Variants in PPM1E observed in about 807,000 individuals in gnomAD.
PPM1E encodes protein phosphatase, Mg2+/Mn2+ dependent 1E.
Under a neutral mutation model 65.9 loss-of-function variants are expected in PPM1E, and 20 were observed. The observed-to-expected ratio is 0.30, with a 90% CI of 0.21 to 0.44. The LOEUF (loss-of-function observed/expected upper bound fraction) is 0.44. Ranked by LOEUF, PPM1E falls within the 20% of genes least tolerant of loss-of-function variation. The pLI, the probability that PPM1E is intolerant of heterozygous loss-of-function variation, is 1.00. For synonymous variants in PPM1E, 352 were observed against 374.9 expected, an observed-to-expected ratio of 0.94 and a Z score of 0.70; for missense variants, 713 against 953.1, an observed-to-expected ratio of 0.75 and a Z score of 3.32.
At chr17:58,760,502 G>A (rs1319997514) in intron 1 of PPM1E, among the ~76,000 whole-genome samples, 1 of 151,944 alleles carries the variant, frequency 6.6e-6, no homozygotes, top group Admixed American at 6.6e-5. Flanking sequence ...TCTTAAATAT[G>A]TCTTTCTTCA....
chr17:58,882,660 G>T (rs1376203198), intron 1 of PPM1E, among the ~76,000 whole-genome samples: 5 of 151,910 alleles, frequency 3.3e-5, no homozygotes, highest in Non-Finnish European at 7.4e-5. Context: ...CAAAGTGCTG[G>T]GATTACAGGT....
At chr17:58,780,489 C>G (rs1371645748) in intron 1 of PPM1E, among the ~76,000 whole-genome samples, 4 of 152,166 alleles carry the variant, frequency 2.6e-5, no homozygotes, top group Non-Finnish European at 5.9e-5. Context: ...AAGAAAGATA[C>G]ATTTGATTTG....
chr17:58,862,333 A>G (rs35082135), intron 1 of PPM1E, among the ~76,000 whole-genome samples: 45,274 of 152,104 alleles, frequency 0.3, 7,208 homozygotes, highest in Middle Eastern at 0.48. Context: ...AGCAATATGC[A>G]TAATGGAAAT....
intron 1 of PPM1E, among the ~76,000 whole-genome samples, chr17:58,758,131 G>A (rs1331964907): frequency 1.3e-5 from 2 of 151,794 alleles, no homozygotes; most frequent in Non-Finnish European, 2.9e-5. Context: ...TTTAGAAAGT[G>A]TCCAAATAAG....
intron 1 of PPM1E, among the ~76,000 whole-genome samples, chr17:58,826,262 A>G (rs1016514323): frequency 6.7e-6 from 1 of 148,632 alleles, no homozygotes; most frequent in Non-Finnish European, 1.5e-5. Context: ...GCTCCACTGC[A>G]CTCCAGCCTG....
chr17:58,911,695 A>G (rs1251555828), intron 1 of PPM1E, among the ~76,000 whole-genome samples: 3 of 152,208 alleles, frequency 2.0e-5, no homozygotes, highest in African/African-American at 7.2e-5. Flanking sequence ...CATTCAACAA[A>G]TACTTATTGA....
At chr17:58,877,679 T>A (rs560284464) in intron 1 of PPM1E, among the ~76,000 whole-genome samples, 1 of 152,316 alleles carries the variant, frequency 6.6e-6, no homozygotes, top group South Asian at 2.1e-4. Flanking sequence ...TGCTGGCAAT[T>A]TAAGGAAAGC....
intron 1 of PPM1E, among the ~76,000 whole-genome samples, chr17:58,887,325 CA>C (rs1045107341): frequency 2.2e-4 from 33 of 151,930 alleles, no homozygotes; most frequent in African/African-American, 7.7e-4. Flanking sequence ...CCACCATGCC[CA>C]GCTAATTTTT....
intron 1 of PPM1E, among the ~76,000 whole-genome samples, chr17:58,806,077 G>T (rs888232438): frequency 6.7e-6 from 1 of 149,700 alleles, no homozygotes; most frequent in African/African-American, 2.5e-5. Context: ...GTCCTGTCTC[G>T]TGGCACTTAA....
chr17:58,841,239 G>A (rs1170761453), intron 1 of PPM1E, among the ~76,000 whole-genome samples: 4 of 152,124 alleles, frequency 2.6e-5, no homozygotes, highest in Admixed American at 2.6e-4. Flanking sequence ...TCATCCTGAG[G>A]ATGGGAGGTT....
At chr17:58,930,392 A>T (rs1355256510) in intron 1 of PPM1E, among the ~76,000 whole-genome samples, 8 of 152,078 alleles carry the variant, frequency 5.3e-5, no homozygotes, top group African/African-American at 1.9e-4. Context: ...TGAGCCCAGG[A>T]GGTCAAGTCT....
chr17:58,764,951 T>G (rs1352237129), intron 1 of PPM1E, among the ~76,000 whole-genome samples: 2 of 151,868 alleles, frequency 1.3e-5, no homozygotes, highest in Non-Finnish European at 2.9e-5. Context: ...ATCTTTCTCT[T>G]TATTATTATT....
At chr17:58,877,753 A>T (rs2051143935) in intron 1 of PPM1E, among the ~76,000 whole-genome samples, 1 of 152,232 alleles carries the variant, frequency 6.6e-6, no homozygotes, top group African/African-American at 2.4e-5. Context: ...TTATGGATAC[A>T]TTAAAATTGG....
intron 1 of PPM1E, among the ~76,000 whole-genome samples, chr17:58,801,459 T>C (rs867086336): frequency 6.7e-5 from 8 of 118,638 alleles, no homozygotes; most frequent in South Asian, 2.7e-4. Flanking sequence ...TTTTTTTTTT[T>C]GAGGTGGAGT....
rs2031454062 is a variant in PPM1E, at chr17:58,982,992, A to G, written c.*1961A>G. On this transcript the variant is annotated 3_prime_UTR_variant, in exon 7 of 7. Coordinates refer to ENST00000308249, the MANE Select transcript of PPM1E (RefSeq NM_014906.5). Reference sequence around the variant, plus strand: ...ATAGTCCAAAGTGCTTAGCGAAGTAAAAAAAAAAGCTTTTTAAAATTTCTA... The same window carrying G: ...ATAGTCCAAAGTGCTTAGCGAAGTAGAAAAAAAAGCTTTTTAAAATTTCTA... The G allele has an allele frequency of 6.5e-6, 9 of 1,375,448 alleles. No homozygotes were observed. In the Admixed American group the frequency reaches 2.0e-4, roughly 31 times the overall value. The allele number at this position is 1,375,448 out of a possible 1,614,324, so 85.2% of individuals were successfully genotyped here. A position where few individuals can be genotyped will look rare whatever the true frequency, so the allele number is the denominator to read the frequency against.
chr17:58,784,226 T>A (rs980228354), intron 1 of PPM1E, among the ~76,000 whole-genome samples: 2 of 148,572 alleles, frequency 1.3e-5, no homozygotes, highest in African/African-American at 2.5e-5. Flanking sequence ...TTTCACCATG[T>A]TGGCCAGGCT....
In PPM1E at chr17:58,756,241, G is replaced by A; in HGVS notation, c.244G>A (p.Glu82Lys). Reference protein sequence around the residue: ...TVAATEEGDQEQDPEPEEEAA... With the variant: ...TVAATEEGDQKQDPEPEEEAA... ...AGCCGCGACGGAGGAGGGGGACCAG[G>A]AGCAAGACCCGGAGCCCGAGGAGGA... Residue 82 changes from glutamate to lysine, a missense_variant, in exon 1 of 7, where the codon GAG becomes AAG. Physicochemically the swap from Glu to Lys is moderately conservative, Grantham distance 56. Around this residue, in one of 6 missense-constraint regions of PPM1E, gnomAD observed 212 missense variants for 204.0 expected, o/e 1.04. Transcript: ENST00000308249. 6.4e-7 allele frequency: 1 copy of A among 1,552,266 alleles called. No homozygotes were observed. Among genetic ancestry groups the A allele is most frequent in the Middle Eastern group, 1.7e-4 (1 of 5,834 alleles).
intron 2 of PPM1E, among the ~76,000 whole-genome samples, chr17:58,958,575 TA>T (rs1005588709): frequency 1.3e-5 from 2 of 151,518 alleles, no homozygotes; most frequent in Admixed American, 6.6e-5. Context: ...TTAAAAATAA[TA>T]AAAAGTTTTT....
chr17:58,911,843 CT>C (rs898825131), intron 1 of PPM1E, among the ~76,000 whole-genome samples: 23 of 152,102 alleles, frequency 1.5e-4, no homozygotes, highest in Non-Finnish European at 2.9e-4. Context: ...TAAGAAGGTA[CT>C]TTTTTTAAGA....
Sources: allele counts gnomAD v4.1 joint callset (sites outside exome capture counted in the v4.1 genomes callset), GRCh38; gene constraint gnomAD v4.1.1; regional missense constraint gnomAD v4.1.1; transcripts MANE v1.5; gene names NCBI Gene and HGNC (gene_info 2026-07-23, HGNC 2026-07-21).